Variants in PDE4C observed in about 807,000 individuals in gnomAD.
The protein encoded by PDE4C is phosphodiesterase 4C.
In PDE4C, 50 loss-of-function variants were observed where a neutral mutation model predicts 63.9. The observed-to-expected ratio is 0.78, with a 90% CI of 0.62 to 0.99. PDE4C has a LOEUF of 0.99. Among genes scored for constraint, PDE4C ranks in the 50% least tolerant of loss-of-function variants. The pLI is 0.00. For synonymous variants in PDE4C, 377 were observed against 385.1 expected (o/e 0.98, Z 0.25); for missense variants, 777 against 899.1 (o/e 0.86, Z 1.74).
intron 8 of PDE4C, 72 bp from the exon 9 acceptor site, chr19:18,219,110 C>T: frequency 6.4e-7 from 1 of 1,574,172 alleles, no homozygotes; most frequent in Non-Finnish European, 8.7e-7. Context: ...TCCATCCTCC[C>T]ACCCCAGGTT....
At chr19:18,240,795 G>A (rs539768928) in intron 1 of PDE4C, among the ~76,000 whole-genome samples, 1 of 152,336 alleles carries the variant, frequency 6.6e-6, no homozygotes, top group South Asian at 2.1e-4. Context: ...GGCAAAGTGG[G>A]GTGGGAGGAA....
At chr19:18,219,240 C>T in exon 8 of PDE4C, 1 of 1,614,186 alleles carries the variant, frequency 6.2e-7, no homozygotes, top group Non-Finnish European at 8.5e-7. Context: ...CCACCTTGGC[C>T]AGTTGCTCCT....
rs549395251 is a variant in PDE4C at position 18,246,349 on chromosome 19, A to AT, written c.-210+1821dup. ...CAGGCGTACACCACCATGACTGGCT[A>AT]TTTTTTTTTTTTTAATAGAGATAGG... On this transcript the variant is annotated intron_variant, in intron 1 of 15. Transcript: ENST00000594617. Among the ~76,000 whole-genome samples, 635 of 127,688 alleles carry AT rather than the reference A, an allele frequency of 5.0e-3. 2 individuals carry two copies. The highest frequency in any genetic ancestry group is 0.014 in the African/African-American group (475 of 34,856). The allele number at this position is 127,688 out of a possible 152,430, so 83.8% of individuals were successfully genotyped here.
chr19:18,240,805 A>C (rs1187883009), intron 1 of PDE4C, among the ~76,000 whole-genome samples: 1 of 152,210 alleles, frequency 6.6e-6, no homozygotes, highest in Non-Finnish European at 1.5e-5. Context: ...GGTGGGAGGA[A>C]GAGGGTGCGG....
rs538655479 is a variant in PDE4C at position 18,223,457 on chromosome 19, G to A, written c.147-1134C>T. Among the ~76,000 whole-genome samples, 403 of 151,896 alleles carry A rather than the reference G, an allele frequency of 2.7e-3. 2 individuals carry two copies. The highest frequency in any genetic ancestry group is 3.7e-3 in the Non-Finnish European group (248 of 67,906). ...ACTCCCGACCTCAGGTGATCCGCCC[G>A]CCTTGGCCTCCCAAAGTGCTGGGAT... On this transcript the variant is annotated intron_variant, in intron 1 of 14. Coordinates refer to ENST00000262805, the Ensembl canonical transcript of PDE4C.
upstream of PDE4C, among the ~76,000 whole-genome samples, chr19:18,249,436 G>A (rs144754087): frequency 0.026 from 3,870 of 151,256 alleles, 173 homozygotes; most frequent in African/African-American, 0.09. Context: ...CACCACGCCT[G>A]GCTAATTTTT....
At chr19:18,247,588 G>C (rs1449402765) in intron 1 of PDE4C, among the ~76,000 whole-genome samples, 1 of 152,260 alleles carries the variant, frequency 6.6e-6, no homozygotes, top group South Asian at 2.1e-4. Context: ...GAGCCACCGC[G>C]CCTGGCCAGC....
At chr19:18,233,500 C>G in exon 1 of PDE4C, 1 of 637,148 alleles carries the variant, frequency 1.6e-6, no homozygotes, top group Non-Finnish European at 2.9e-6. Flanking sequence ...AACCGTCTGC[C>G]GTCCCCTATA....
At chr19:18,221,670 G>A (rs1968491227) in intron 2 of PDE4C, among the ~76,000 whole-genome samples, 1 of 152,128 alleles carries the variant, frequency 6.6e-6, no homozygotes, top group Admixed American at 6.6e-5. Flanking sequence ...TTTCGCCCAG[G>A]CTGGAGTGCA....
At chr19:18,211,389 CCAA>C in intron 14 of PDE4C, 113 bp from the exon 15 acceptor site, 1 of 849,276 alleles carries the variant, frequency 1.2e-6, no homozygotes, top group East Asian at 2.7e-5. Flanking sequence ...ATGCCGCTTC[CCAA>C]CAACTGCTCA....
chr19:18,239,057 C>A (rs1177496235), intron 1 of PDE4C, among the ~76,000 whole-genome samples: 3 of 151,886 alleles, frequency 2.0e-5, no homozygotes, highest in Non-Finnish European at 2.9e-5. Flanking sequence ...AACGATAGTA[C>A]TAATGGCTAA....
At chr19:18,232,863 T>A in intron 1 of PDE4C, 149 of 994,402 alleles carry the variant, frequency 1.5e-4, no homozygotes, top group Non-Finnish European at 1.8e-4. Flanking sequence ...CCCCGCCCCC[T>A]GGAGAAGCAA....
chr19:18,235,434 G>A (rs546538327), upstream of PDE4C, among the ~76,000 whole-genome samples: 4 of 152,238 alleles, frequency 2.6e-5, no homozygotes, highest in African/African-American at 9.6e-5. Flanking sequence ...GCCTCCAAAA[G>A]TGCTGGGATT....
chr19:18,224,118 A>G (rs900424651), intron 1 of PDE4C: 1 of 812,818 alleles, frequency 1.2e-6, no homozygotes, highest in Non-Finnish European at 1.5e-6. Context: ...CCCTCTCCAC[A>G]CTACCTGTCC....
At position 18,219,220 on chromosome 19, in the gene PDE4C, G is replaced by A. The variant is rs1968351838; in HGVS notation, c.870+14C>T. On this transcript the variant is annotated intron_variant, in intron 8 of 14. Transcript: ENST00000262805. The stretch of plus-strand genomic sequence containing the variant: ...GACCAAACCTTGATCTTGGCATTGT[G>A]GTTGGGGACCCACCTTGGCCAGTTG... 5 of 1,613,930 alleles carry A rather than the reference G, an allele frequency of 3.1e-6. No homozygotes were observed. Among genetic ancestry groups the A allele is most frequent in the Non-Finnish European group, 3.4e-6 (4 of 1,180,020 alleles).
At chr19:18,240,701 C>T (rs1969021602) in intron 1 of PDE4C, among the ~76,000 whole-genome samples, 6 of 152,156 alleles carry the variant, frequency 3.9e-5, no homozygotes, top group Admixed American at 3.9e-4. Context: ...GCACTCCAGC[C>T]TGGCAACAGA....
chr19:18,232,792 CA>C (rs1968876931), intron 1 of PDE4C, among the ~76,000 whole-genome samples: 1 of 152,306 alleles, frequency 6.6e-6, no homozygotes, highest in East Asian at 1.9e-4. Flanking sequence ...CCCTCAGCTC[CA>C]CCCCTACGTA....
At chr19:18,237,308 T>C (rs1968967266), upstream of PDE4C, among the ~76,000 whole-genome samples, 1 of 152,056 alleles carries the variant, frequency 6.6e-6, no homozygotes, top group Non-Finnish European at 1.5e-5. Flanking sequence ...TCCCAGCACT[T>C]TGGGAGGCCA....
chr19:18,217,096 C>T, intron 11 of PDE4C: 2 of 511,932 alleles, frequency 3.9e-6, no homozygotes, highest in Non-Finnish European at 6.8e-6. Context: ...GCTCTGCCTA[C>T]CCAAGACTGG....
Sources: gnomAD v4.1 joint callset for allele counts (sites outside exome capture counted in the v4.1 genomes callset) on GRCh38, gnomAD v4.1.1 for gene constraint, MANE v1.5 for transcripts, NCBI Gene and HGNC (gene_info 2026-07-23, HGNC 2026-07-21) for gene names.